The following RYR2 variants were observed in gnomAD, a reference collection of about 807,000 sequenced individuals.
The protein encoded by RYR2 is ryanodine receptor 2, also known as cardiac muscle ryanodine receptor-calcium release channel.
Under a neutral mutation model 601.1 loss-of-function variants are expected in RYR2, and 227 were observed. The ratio of observed to expected loss-of-function variants is 0.38; its 90% CI spans 0.34 to 0.42. The LOEUF (loss-of-function observed/expected upper bound fraction) is 0.42, where lower values mean the gene tolerates loss of function less well. Among genes scored for constraint, RYR2 ranks in the 10% least tolerant of loss-of-function variants. RYR2 has a pLI of 1.00. For synonymous variants in RYR2, 2,223 were observed against 2,175.1 expected (o/e 1.02, Z -0.61); for missense variants, 4,646 against 6,156.5 (o/e 0.75, Z 8.21).
At chr1:237,699,256 A>T (rs1163783657) in intron 64 of RYR2, among the ~76,000 whole-genome samples, 2 of 152,198 alleles carry the variant, frequency 1.3e-5, no homozygotes, top group Non-Finnish European at 2.9e-5. Context: ...AGCTAGGACC[A>T]TAAAGGAGGG....
At chr1:237,483,825 G>C (rs1287088334) in intron 17 of RYR2, among the ~76,000 whole-genome samples, 1 of 152,130 alleles carries the variant, frequency 6.6e-6, no homozygotes, top group Non-Finnish European at 1.5e-5. Context: ...GTGAAATCTG[G>C]AGATATTAAT....
intron 1 of RYR2, among the ~76,000 whole-genome samples, chr1:237,216,965 G>A (rs1376985656): frequency 6.6e-6 from 1 of 152,172 alleles, no homozygotes; most frequent in East Asian, 1.9e-4. Context: ...GATCACTCCA[G>A]CTCCTCCAGG....
intron 1 of RYR2, among the ~76,000 whole-genome samples, chr1:237,257,047 T>TA (rs1211278599): frequency 9.2e-5 from 14 of 152,112 alleles, no homozygotes; most frequent in African/African-American, 2.9e-4. Context: ...GTGCATACGA[T>TA]AAGTCTAGAG....
intron 17 of RYR2, among the ~76,000 whole-genome samples, chr1:237,473,966 T>TCATA (rs201123061): frequency 0.02 from 3,038 of 152,134 alleles, 41 homozygotes; most frequent in Middle Eastern, 0.038. Context: ...CTGTCATGAA[T>TCATA]CATAGCTCCT....
At chr1:237,455,089 A>G (rs934444000) in intron 15 of RYR2, among the ~76,000 whole-genome samples, 4 of 152,130 alleles carry the variant, frequency 2.6e-5, no homozygotes, top group African/African-American at 9.7e-5. Context: ...TCTCCTTTGC[A>G]TCTATTACAT....
intron 2 of RYR2, among the ~76,000 whole-genome samples, chr1:237,288,461 G>T (rs1572484965): frequency 6.6e-6 from 1 of 151,830 alleles, no homozygotes; most frequent in South Asian, 2.1e-4. Context: ...TTTGAGCTCA[G>T]ACTGTCCTTG....
intron 1 of RYR2, among the ~76,000 whole-genome samples, chr1:237,157,017 CG>C (rs1379020465): frequency 1.3e-5 from 2 of 152,108 alleles, no homozygotes. Flanking sequence ...CCATACGGGC[CG>C]GGCACAGTGG....
intron 10 of RYR2, among the ~76,000 whole-genome samples, chr1:237,402,511 A>C (rs1328734046): frequency 5.9e-5 from 9 of 152,192 alleles, no homozygotes; most frequent in Non-Finnish European, 1.2e-4. Flanking sequence ...TCTAAAACTA[A>C]AAAATAAATA....
chr1:237,075,136 AT>A (rs954347634), intron 1 of RYR2, among the ~76,000 whole-genome samples: 1 of 152,038 alleles, frequency 6.6e-6, no homozygotes, highest in African/African-American at 2.4e-5. Context: ...TCTAAGCAAC[AT>A]TTTGGAAAGC....
intron 91 of RYR2, among the ~76,000 whole-genome samples, chr1:237,787,536 G>C (rs1010148114): frequency 6.8e-6 from 1 of 147,032 alleles, no homozygotes; most frequent in African/African-American, 2.5e-5. Flanking sequence ...AGGTTGCAGT[G>C]AGCTGAGATG....
Position 237,610,506 on chromosome 1 carries a change from G to T in RYR2, c.4684-256G>T, listed in dbSNP as rs1017067309. Among the ~76,000 whole-genome samples, 40 of 152,308 alleles carry T rather than the reference G, an allele frequency of 2.6e-4. No homozygotes were observed. Among genetic ancestry groups the T allele is most frequent in the African/African-American group, 9.1e-4 (38 of 41,572 alleles). On this transcript the variant is annotated intron_variant, in intron 35 of 104. Transcript: ENST00000366574. The surrounding 1 kb of genome is among the most constrained non-coding windows in gnomAD (Gnocchi z 4.9). The stretch of plus-strand genomic sequence containing the variant: ...CTTGGCCTTCTCTCTGTGCCATTCA[G>T]TATATGGGAAAGACACATCCCGAAA...
chr1:237,714,274 TGTA>T (rs1184993755), intron 71 of RYR2, among the ~76,000 whole-genome samples: 6 of 152,210 alleles, frequency 3.9e-5, no homozygotes, highest in Admixed American at 1.3e-4. Context: ...AGATATGAAT[TGTA>T]GTAACAAAAT....
chr1:237,174,003 G>A (rs1317683217), intron 1 of RYR2, among the ~76,000 whole-genome samples: 1 of 152,098 alleles, frequency 6.6e-6, no homozygotes, highest in African/African-American at 2.4e-5. Flanking sequence ...CTTGCAGTGA[G>A]CCGAGATCTT....
chr1:237,117,322 C>T (rs1436842818), intron 1 of RYR2, among the ~76,000 whole-genome samples: 3 of 151,958 alleles, frequency 2.0e-5, no homozygotes, highest in East Asian at 1.9e-4. Flanking sequence ...TTCTCCATTA[C>T]GCTAAGGGAT....
chr1:237,730,007 A>G (rs1690533819), intron 76 of RYR2, among the ~76,000 whole-genome samples: 1 of 152,198 alleles, frequency 6.6e-6, no homozygotes, highest in African/African-American at 2.4e-5. Context: ...GAATAAACTG[A>G]AATTTGGGAA....
chr1:237,289,838 T>C (rs1420627350), intron 2 of RYR2, among the ~76,000 whole-genome samples: 1 of 152,188 alleles, frequency 6.6e-6, no homozygotes, highest in Non-Finnish European at 1.5e-5. Context: ...CAGAAGGAAA[T>C]GCTAAGATTT....
intron 2 of RYR2, among the ~76,000 whole-genome samples, chr1:237,317,229 A>G (rs988510391): frequency 6.6e-6 from 1 of 152,194 alleles, no homozygotes; most frequent in African/African-American, 2.4e-5. Flanking sequence ...TAGTCAAAGC[A>G]AAACCGAATA....
At chr1:237,423,508 C>A (rs958255789) in intron 12 of RYR2, among the ~76,000 whole-genome samples, 2 of 152,094 alleles carry the variant, frequency 1.3e-5, no homozygotes, top group Non-Finnish European at 2.9e-5. Context: ...ATAAATCATA[C>A]TGTATACATA....
intron 29 of RYR2, among the ~76,000 whole-genome samples, chr1:237,581,387 C>T (rs890937776): frequency 1.3e-5 from 2 of 152,042 alleles, no homozygotes; most frequent in Non-Finnish European, 2.9e-5. Flanking sequence ...AATTCCTGGT[C>T]CTCTCAGAAC....
Sources: gnomAD v4.1 joint callset for allele counts (sites outside exome capture counted in the v4.1 genomes callset) on GRCh38, gnomAD v4.1.1 for gene constraint, Gnocchi (gnomAD v3.1) non-coding constraint, MANE v1.5 for transcripts, NCBI Gene and HGNC (gene_info 2026-07-23, HGNC 2026-07-21) for gene names.